WFS1: variants seen among roughly 807,000 people sequenced by gnomAD.
WFS1 encodes the protein wolframin.
WFS1 carries 90 observed loss-of-function variants against 68.5 expected under a neutral mutation model. That is an observed-to-expected ratio of 1.31 (90% CI 1.11 to 1.56). WFS1 has a LOEUF of 1.56. WFS1 is among the 40% of genes most tolerant of loss of function. The probability of loss-of-function intolerance (pLI) is 0.00; values close to 1 mark genes in which losing one functional copy is unlikely to be tolerated. For synonymous variants in WFS1, 860 were observed against 540.7 expected (o/e 1.59, Z -8.19); for missense variants, 1,767 against 1,232.6 (o/e 1.43, Z -6.49).
In WFS1 at chr4:6,301,673, C is replaced by T. The variant is rs2109126669; in HGVS notation, c.1878C>T (p.Ser626=). The T allele has an allele frequency of 1.2e-6, 2 of 1,614,100 alleles. No homozygotes were observed. The highest frequency in any genetic ancestry group is 1.1e-5 in the South Asian group (1 of 91,090). The part of the protein sequence containing the change: ...ASFSVVGMVK[S]LTRSSMVKLI... ...TCTCTGTGGTGGGGATGGTGAAGTC[C>T]CTGACGCGGAGCTCCATGGTCAAGC... The change falls in exon 8 of 8, where the codon TCC becomes TCT. Residue 626 remains serine (S), a synonymous_variant. Coordinates refer to ENST00000226760, the MANE Select transcript of WFS1 (RefSeq NM_006005.3).
intron 5 of WFS1, 76 bp downstream of exon 5, chr4:6,291,443 G>C (rs1730462369): frequency 6.4e-7 from 1 of 1,557,230 alleles, no homozygotes; most frequent in African/African-American, 1.4e-5. Context: ...TTCCCATAGG[G>C]GCTGGGACCT....
At chr4:6,285,469 C>T (rs1026601813) in intron 2 of WFS1, among the ~76,000 whole-genome samples, 1 of 152,128 alleles carries the variant, frequency 6.6e-6, no homozygotes, top group African/African-American at 2.4e-5. Context: ...GGCTGGAGTG[C>T]GTGTGCCTGA....
rs142489948 is a variant in WFS1, at chr4:6,294,524, G to A, written c.713-517G>A. 2.9e-4 allele frequency among the ~76,000 whole-genome samples: 44 copies of A among 152,280 alleles called. No homozygotes were observed. The East Asian group carries it at 7.7e-3, about 27-fold the overall frequency. On this transcript the variant is annotated intron_variant, in intron 6 of 7. Coordinates refer to ENST00000226760, the MANE Select transcript of WFS1 (RefSeq NM_006005.3). ...TGTGGCAGATCATGTTGGATGGAGCGGTTTAGCAGGTGCACAGTAGGCCCT... is the reference window on the plus strand; with the variant it reads ...TGTGGCAGATCATGTTGGATGGAGCAGTTTAGCAGGTGCACAGTAGGCCCT...
Position 6,288,967 on chromosome 4 carries a change from G to T in WFS1, c.316-20G>T. The T allele has an allele frequency of 6.2e-7, 1 of 1,605,580 alleles. No homozygotes were observed. The highest frequency in any genetic ancestry group is 1.1e-5 in the South Asian group (1 of 88,960). On this transcript the variant is annotated intron_variant, in intron 3 of 7. Transcript: ENST00000226760. ...GAGAGGGTCGGAGAATCTGGAGGCT[G>T]ACTGGTGTCTGGCTTGCAGGTGGGG...
intron 6 of WFS1, among the ~76,000 whole-genome samples, chr4:6,293,600 C>T (rs1409868512): frequency 6.6e-6 from 1 of 152,148 alleles, no homozygotes; most frequent in African/African-American, 2.4e-5. Flanking sequence ...GATGACTGCT[C>T]TTCTCCTTAG....
At chr4:6,285,526 C>T (rs1730289105) in intron 2 of WFS1, among the ~76,000 whole-genome samples, 1 of 152,176 alleles carries the variant, frequency 6.6e-6, no homozygotes, top group Admixed American at 6.5e-5. Flanking sequence ...CTTCTCCAAA[C>T]ACATGCCTCA....
At chr4:6,290,552 C>A (rs1730432099) in intron 4 of WFS1, among the ~76,000 whole-genome samples, 1 of 152,260 alleles carries the variant, frequency 6.6e-6, no homozygotes, top group African/African-American at 2.4e-5. Flanking sequence ...GAAATACATG[C>A]TCATGTGGAA....
Position 6,301,949 on chromosome 4 carries a change from T to G in WFS1, c.2154T>G (p.Ser718=), listed in dbSNP as rs775842664. 1.9e-6 allele frequency: 3 copies of G among 1,612,842 alleles called. No homozygotes were observed. Among genetic ancestry groups the G allele is most frequent in the African/African-American group, 1.3e-5 (1 of 75,050 alleles). The change falls in exon 8 of 8, where the codon TCT becomes TCG. Residue 718 remains serine (S), a synonymous_variant. Transcript: ENST00000226760. ...RVTDIDNSAE[S]AINMLPFFIG... is the part of the protein sequence containing the mutation. ...CTGACATCGACAACAGCGCCGAGTC[T>G]GCCATCAACATGCTCCCGTTCTTCA... is the stretch of plus-strand genomic sequence containing the variant.
At chr4:6,285,557 A>G (rs1458459779) in intron 2 of WFS1, among the ~76,000 whole-genome samples, 1 of 152,172 alleles carries the variant, frequency 6.6e-6, no homozygotes, top group African/African-American at 2.4e-5. Flanking sequence ...CTTACCTGTG[A>G]GGGCCTCACC....
chr4:6,297,664 C>A (rs1257882757), intron 7 of WFS1, among the ~76,000 whole-genome samples: 1 of 152,110 alleles, frequency 6.6e-6, no homozygotes, highest in African/African-American at 2.4e-5. Context: ...TTTCTCGTGG[C>A]AGCAGAAGGG....
intron 2 of WFS1, among the ~76,000 whole-genome samples, chr4:6,284,896 C>G (rs1730267722): frequency 6.6e-6 from 1 of 150,680 alleles, no homozygotes; most frequent in African/African-American, 2.4e-5. Flanking sequence ...TTGGTGCCTG[C>G]AGGCTCTGTG....
In WFS1 at chr4:6,277,561, G is replaced by C. The variant is rs769712303; in HGVS notation, c.106G>C (p.Glu36Gln). 1.6e-5 allele frequency: 25 copies of C among 1,589,648 alleles called. No individual in the cohort carries two copies. The highest frequency in any genetic ancestry group is 2.1e-5 in the Non-Finnish European group (25 of 1,168,696). ...CAATGCCACAGCCTCGTTGGAGCAG[G>C]AGAGGAGCGAAAGGCCCCGAGCACC... is the stretch of plus-strand genomic sequence containing the variant. ...RLNATASLEQ[E>Q]RSERPRAPGP... The change falls in exon 2 of 8, where the codon GAG (glutamate) becomes CAG (glutamine). Residue 36 changes from glutamate to glutamine, a missense_variant. By Grantham distance (29) the Glu-to-Gln change is conservative. Coordinates refer to ENST00000226760, the MANE Select transcript of WFS1 (RefSeq NM_006005.3).
rs572602783 is a variant in WFS1 at position 6,302,765 on chromosome 4, G to A, written c.*297G>A. The A allele has an allele frequency of 3.9e-6, 2 of 517,822 alleles. No individual in the cohort carries two copies. The highest frequency in any genetic ancestry group is 6.7e-5 in the East Asian group (2 of 30,058). The allele number at this position is 517,822 out of a possible 1,614,324, so 32.1% of individuals were successfully genotyped here. A position where few individuals can be genotyped will look rare whatever the true frequency, so the allele number is the denominator to read the frequency against. Reference sequence around the variant, plus strand: ...CTAGACTAGGAGGTTCCGGTGTCTGGAAAAGCACTTTACAGATGAGATTCC... The same window carrying A: ...CTAGACTAGGAGGTTCCGGTGTCTGAAAAAGCACTTTACAGATGAGATTCC... On this transcript the variant is annotated 3_prime_UTR_variant, in exon 8 of 8. Coordinates refer to ENST00000226760, the MANE Select transcript of WFS1 (RefSeq NM_006005.3).
rs769744865 is a variant in WFS1, at chr4:6,300,979, T to A, written c.1184T>A (p.Val395Asp). The A allele has an allele frequency of 1.5e-5, 24 of 1,613,704 alleles. No individual in the cohort carries two copies. Among genetic ancestry groups the A allele is most frequent in the Non-Finnish European group, 1.9e-5 (23 of 1,179,966 alleles). The change falls in exon 8 of 8, where the codon GTC becomes GAC. Residue 395 changes from valine (V) to aspartate (D), a missense_variant. Transcript: ENST00000226760. ...AACCTGGATGTGGAGCAGGCCGAGGTCAACTTCGGCTGGAACCACCTGGAG... is the reference window on the plus strand; with the variant it reads ...AACCTGGATGTGGAGCAGGCCGAGGACAACTTCGGCTGGAACCACCTGGAG... ...EPNLDVEQAE[V>D]NFGWNHLEPY...
At chr4:6,285,547 C>T (rs988761719) in intron 2 of WFS1, among the ~76,000 whole-genome samples, 22 of 152,212 alleles carry the variant, frequency 1.4e-4, no homozygotes, top group African/African-American at 5.1e-4. Flanking sequence ...CCCACACAGC[C>T]TTACCTGTGA....
At chr4:6,274,043 C>G (rs929204386) in intron 1 of WFS1, among the ~76,000 whole-genome samples, 2 of 120,960 alleles carry the variant, frequency 1.7e-5, no homozygotes, top group Admixed American at 2.0e-4. Flanking sequence ...TTTTCTTTTC[C>G]TTTTTCTTTT....
At chr4:6,280,052 A>G (rs1578587872) in intron 2 of WFS1, among the ~76,000 whole-genome samples, 2 of 130,866 alleles carry the variant, frequency 1.5e-5, no homozygotes, top group African/African-American at 6.0e-5. Flanking sequence ...TTGGAAGCTC[A>G]GGGGCTCCTG....
chr4:6,301,702 T>G lies in WFS1; in HGVS notation c.1907T>G (p.Ile636Ser). ...SLTRSSMVKL[I>S]LVWLTAIVLF... Reference sequence around the variant, plus strand: ...ACGCGGAGCTCCATGGTCAAGCTCATCCTGGTGTGGCTCACGGCCATCGTG... The same window carrying G: ...ACGCGGAGCTCCATGGTCAAGCTCAGCCTGGTGTGGCTCACGGCCATCGTG... Residue 636 changes from isoleucine to serine, a missense_variant, in exon 8 of 8, where the codon ATC (isoleucine) becomes AGC (serine). By Grantham distance (142) the Ile-to-Ser change is moderately radical. Coordinates refer to ENST00000226760, the MANE Select transcript of WFS1 (RefSeq NM_006005.3). 1 of 1,614,076 alleles carries G rather than the reference T, an allele frequency of 6.2e-7. No homozygotes were observed. Among genetic ancestry groups the G allele is most frequent in the Non-Finnish European group, 8.5e-7 (1 of 1,180,038 alleles).
In WFS1 at chr4:6,301,586, C is replaced by G. The variant is rs141883293; in HGVS notation, c.1791C>G (p.Ile597Met). 12 of 1,614,182 alleles carry G rather than the reference C, an allele frequency of 7.4e-6. No homozygotes were observed. The highest frequency in any genetic ancestry group is 1.7e-5 in the Admixed American group (1 of 60,032). ...TCACGTCTCTGGAGCTCACCAAGATCGCAGTCACCGTGGCGGTCTGTAGTG... is the reference window on the plus strand; with the variant it reads ...TCACGTCTCTGGAGCTCACCAAGATGGCAGTCACCGTGGCGGTCTGTAGTG... Reference protein sequence around the residue: ...RWFTSLELTKIAVTVAVCSVP... With the variant: ...RWFTSLELTKMAVTVAVCSVP... Residue 597 changes from isoleucine to methionine, a missense_variant, in exon 8 of 8, where the codon ATC (isoleucine) becomes ATG (methionine). Coordinates refer to ENST00000226760, the MANE Select transcript of WFS1 (RefSeq NM_006005.3).
Sources: gnomAD v4.1 joint callset for allele counts (sites outside exome capture counted in the v4.1 genomes callset) on GRCh38, gnomAD v4.1.1 for gene constraint, MANE v1.5 for transcripts, NCBI Gene and HGNC (gene_info 2026-07-23, HGNC 2026-07-21) for gene names.